VPS45: variants seen among roughly 807,000 people sequenced by gnomAD.
VPS45 encodes vacuolar protein sorting 45 homolog.
Under a neutral mutation model 75.9 loss-of-function variants are expected in VPS45, and 35 were observed. That is an observed-to-expected ratio of 0.46 (90% CI 0.35 to 0.61). VPS45 has a LOEUF of 0.61. Ranked by LOEUF, VPS45 falls within the 20% of genes least tolerant of loss-of-function variation. VPS45 has a pLI of 0.00. For synonymous variants in VPS45, 220 were observed against 238.2 expected (o/e 0.92, Z 0.70); for missense variants, 559 against 685.9 (o/e 0.81, Z 2.07).
chr1:150,099,380 G>A (rs1347583187), intron 13 of VPS45, among the ~76,000 whole-genome samples: 1 of 151,650 alleles, frequency 6.6e-6, no homozygotes, highest in Non-Finnish European at 1.5e-5. Context: ...AGGCACAGTG[G>A]CAGATGCCTG....
chr1:150,124,545 C>CTTT (rs1172674927), intron 14 of VPS45, among the ~76,000 whole-genome samples: 1 of 142,912 alleles, frequency 7.0e-6, no homozygotes, highest in Non-Finnish European at 1.5e-5. Flanking sequence ...GGCTTTTTTT[C>CTTT]TTTTTTCTTT....
At chr1:150,108,654 A>T (rs1657466043) in intron 13 of VPS45, among the ~76,000 whole-genome samples, 1 of 152,206 alleles carries the variant, frequency 6.6e-6, no homozygotes, top group Non-Finnish European at 1.5e-5. Flanking sequence ...AGGTATATCC[A>T]GGAGGAGCAA....
intron 14 of VPS45, among the ~76,000 whole-genome samples, chr1:150,111,065 A>G (rs1553807121): frequency 6.6e-6 from 1 of 152,232 alleles, no homozygotes; most frequent in Non-Finnish European, 1.5e-5. Flanking sequence ...GATTAACTTT[A>G]TTCACTTAGC....
intron 14 of VPS45, among the ~76,000 whole-genome samples, chr1:150,133,287 C>T (rs1042527583): frequency 1.2e-4 from 18 of 152,130 alleles, no homozygotes; most frequent in African/African-American, 3.9e-4. Flanking sequence ...TGGTGGCTCA[C>T]GCCTGTAATA....
At chr1:150,086,779 A>G (rs763138816) in intron 10 of VPS45, among the ~76,000 whole-genome samples, 142 of 152,210 alleles carry the variant, frequency 9.3e-4, no homozygotes, top group Non-Finnish European at 1.8e-3. Context: ...TTCCCTGATA[A>G]GCTTTTTATA....
chr1:150,077,262 C>T, intron 6 of VPS45, 31 bp downstream of exon 6: 1 of 1,593,576 alleles, frequency 6.3e-7, no homozygotes, highest in East Asian at 2.2e-5. Flanking sequence ...GGTTCCAAAA[C>T]ATAAAGGCCA....
chr1:150,142,901 C>T, intron 14 of VPS45: 1 of 449,730 alleles, frequency 2.2e-6, no homozygotes, highest in Non-Finnish European at 4.5e-6. Context: ...GATCCACCCG[C>T]CTCAGCCTCC....
At chr1:150,135,515 C>T (rs915285711) in intron 14 of VPS45, among the ~76,000 whole-genome samples, 50 of 152,088 alleles carry the variant, frequency 3.3e-4, no homozygotes, top group African/African-American at 9.7e-4. Flanking sequence ...ATCCACCCTC[C>T]TCGGCCTCCC....
At chr1:150,126,052 C>T (rs781989355) in intron 14 of VPS45, among the ~76,000 whole-genome samples, 5 of 151,908 alleles carry the variant, frequency 3.3e-5, no homozygotes, top group Non-Finnish European at 5.9e-5. Context: ...ACTTGGTCCC[C>T]ATCTCGGTGG....
intron 13 of VPS45, 62 bp from the exon 14 acceptor site, chr1:150,110,434 T>C (rs1212025888): frequency 6.7e-7 from 1 of 1,497,420 alleles, no homozygotes; most frequent in South Asian, 1.3e-5. Flanking sequence ...ACTCTGTGTA[T>C]GTAAGTCACA....
chr1:150,135,975 G>A (rs1553813570), intron 14 of VPS45, among the ~76,000 whole-genome samples: 1 of 151,524 alleles, frequency 6.6e-6, no homozygotes, highest in East Asian at 2.0e-4. Flanking sequence ...GAGGCCGGGT[G>A]CAGTGGTTCA....
At chr1:150,136,520 A>C (rs1473016533) in intron 14 of VPS45, among the ~76,000 whole-genome samples, 2 of 152,130 alleles carry the variant, frequency 1.3e-5, no homozygotes, top group Non-Finnish European at 2.9e-5. Context: ...GCACCACTGC[A>C]CTCCAGCCTG....
At chr1:150,107,305 A>G (rs770258742) in intron 13 of VPS45, among the ~76,000 whole-genome samples, 12 of 152,194 alleles carry the variant, frequency 7.9e-5, no homozygotes, top group African/African-American at 1.2e-4. Flanking sequence ...TCTTATGCAC[A>G]GTAAATGTCC....
At chr1:150,119,273 G>A (rs1249044852) in intron 14 of VPS45, among the ~76,000 whole-genome samples, 3 of 152,094 alleles carry the variant, frequency 2.0e-5, no homozygotes, top group African/African-American at 7.2e-5. Context: ...TAATGGAAAG[G>A]CTAATATTTT....
intron 14 of VPS45, among the ~76,000 whole-genome samples, chr1:150,125,335 CT>C (rs1448135162): frequency 1.8e-4 from 27 of 147,856 alleles, no homozygotes; most frequent in African/African-American, 4.7e-4. Context: ...ATTTTTTTTA[CT>C]TTTTTTATTT....
intron 14 of VPS45, among the ~76,000 whole-genome samples, chr1:150,125,971 C>T (rs964232739): frequency 1.3e-5 from 2 of 152,028 alleles, no homozygotes; most frequent in Admixed American, 6.6e-5. Context: ...TAGATATGAG[C>T]CACTGCCCCT....
At chr1:150,134,611 T>C (rs1215493749) in intron 14 of VPS45, among the ~76,000 whole-genome samples, 1 of 152,214 alleles carries the variant, frequency 6.6e-6, no homozygotes, top group African/African-American at 2.4e-5. Flanking sequence ...ACCTATGTAT[T>C]TCTAAATAAC....
At chr1:150,100,397 G>A (rs1340130396) in intron 13 of VPS45, among the ~76,000 whole-genome samples, 1 of 152,136 alleles carries the variant, frequency 6.6e-6, no homozygotes, top group Non-Finnish European at 1.5e-5. Context: ...CATTAAAATG[G>A]CTATACTGCC....
chr1:150,076,837 A>G, intron 4 of VPS45, 79 bp from the exon 5 acceptor site: 6 of 1,443,206 alleles, frequency 4.2e-6, no homozygotes, highest in Non-Finnish European at 5.8e-6. Context: ...GCTATATCAT[A>G]TTATATCACT....
Sources: allele counts gnomAD v4.1 joint callset (sites outside exome capture counted in the v4.1 genomes callset), GRCh38; gene constraint gnomAD v4.1.1; transcripts MANE v1.5; gene names NCBI Gene and HGNC (gene_info 2026-07-23, HGNC 2026-07-21).